The following DENND1B variants were observed in gnomAD, a reference collection of about 807,000 sequenced individuals.
DENND1B encodes DENN domain containing 1B, also known as DENN domain-containing protein 1B.
DENND1B carries 59 observed loss-of-function variants against 90.1 expected under a neutral mutation model. The observed-to-expected ratio is 0.65, with a 90% confidence interval of 0.53 to 0.81. DENND1B has a LOEUF of 0.81. Ranked by LOEUF, DENND1B falls within the 40% of genes least tolerant of loss-of-function variation. DENND1B has a pLI of 0.00. For synonymous variants in DENND1B, 337 were observed against 324.6 expected (o/e 1.04, Z -0.41); for missense variants, 862 against 912.6 (o/e 0.94, Z 0.71).
intron 21 of DENND1B, 66 bp from the exon 22 acceptor site, chr1:197,512,010 C>T: frequency 8.4e-7 from 1 of 1,186,992 alleles, no homozygotes; most frequent in Admixed American, 2.3e-5. Flanking sequence ...AGTAATCTCT[C>T]ACCAGTTACA....
chr1:197,529,753 G>C (rs780409169), intron 20 of DENND1B, among the ~76,000 whole-genome samples: 45 of 152,076 alleles, frequency 3.0e-4, no homozygotes, highest in Admixed American at 8.5e-4. Context: ...CATAATCTCA[G>C]ATTATAGATT....
chr1:197,665,534 G>A (rs1468889807), intron 5 of DENND1B, among the ~76,000 whole-genome samples: 1 of 152,100 alleles, frequency 6.6e-6, no homozygotes, highest in Non-Finnish European at 1.5e-5. Flanking sequence ...TTGCCACATA[G>A]TATCATTAGT....
At chr1:197,778,755 G>A (rs576607611), upstream of DENND1B, among the ~76,000 whole-genome samples, 6 of 150,362 alleles carry the variant, frequency 4.0e-5, no homozygotes, top group East Asian at 3.9e-4. Flanking sequence ...TGTACTTCCC[G>A]TTTGTTTCTT....
chr1:197,544,774 GGAGGAGGAAGAAGAAGAA>G (rs1329445473), intron 18 of DENND1B, among the ~76,000 whole-genome samples: 2,269 of 134,302 alleles, frequency 0.017, 25 homozygotes, highest in Middle Eastern at 0.042. Context: ...AAGAGGACGA[GGAGGAGGAAGAAGAAGAA>G]GAGGAGGAAG....
intron 20 of DENND1B, among the ~76,000 whole-genome samples, chr1:197,531,405 C>CT (rs1371728894): frequency 0.11 from 215 of 1,960 alleles, 24 homozygotes; most frequent in African/African-American, 0.11. Context: ...TTTTTTTTTT[C>CT]TTTTTTTTTT....
At chr1:197,591,042 G>T (rs1160216478) in intron 14 of DENND1B, among the ~76,000 whole-genome samples, 2 of 152,176 alleles carry the variant, frequency 1.3e-5, no homozygotes, top group East Asian at 3.8e-4. Flanking sequence ...GACTGGTTCT[G>T]CTGCCTCTAT....
intron 13 of DENND1B, chr1:197,606,411 C>T (rs1676688959): frequency 1.3e-5 from 2 of 151,192 alleles, no homozygotes; most frequent in South Asian, 4.1e-4. Flanking sequence ...GTTTAATTTA[C>T]AAATAGAATT....
chr1:197,709,762 C>G (rs1659921968), intron 3 of DENND1B, among the ~76,000 whole-genome samples: 1 of 124,468 alleles, frequency 8.0e-6, no homozygotes, highest in African/African-American at 3.4e-5. Context: ...CTAAATTCTG[C>G]AATTAAAAGA....
intron 10 of DENND1B, among the ~76,000 whole-genome samples, chr1:197,629,015 A>AG (rs1298697516): frequency 6.6e-6 from 1 of 152,124 alleles, no homozygotes; most frequent in African/African-American, 2.4e-5. Context: ...ATCATTAAAA[A>AG]GTCAGGAAAC....
intron 16 of DENND1B, 27 bp from the exon 17 acceptor site, chr1:197,546,800 G>A (rs760597395): frequency 1.3e-6 from 2 of 1,531,226 alleles, no homozygotes; most frequent in African/African-American, 2.8e-5. Context: ...TGAGATGCCA[G>A]GAATGGTTGA....
intron 10 of DENND1B, among the ~76,000 whole-genome samples, chr1:197,620,564 T>C (rs1279735302): frequency 6.6e-6 from 1 of 151,356 alleles, no homozygotes; most frequent in African/African-American, 2.4e-5. Flanking sequence ...GCTAACGGAA[T>C]ACTATGACTG....
chr1:197,764,718 C>G (rs1236004108), intron 2 of DENND1B, among the ~76,000 whole-genome samples: 1 of 152,004 alleles, frequency 6.6e-6, no homozygotes, highest in East Asian at 1.9e-4. Flanking sequence ...AAAATGTTCC[C>G]TTAAAAAATA....
chr1:197,775,802 C>T (rs1201716499), upstream of DENND1B: 1 of 152,280 alleles, frequency 6.6e-6, no homozygotes. Flanking sequence ...AGTACCTCGA[C>T]CTGCAGTGTT....
intron 3 of DENND1B, among the ~76,000 whole-genome samples, chr1:197,704,054 G>A (rs1042996586): frequency 6.6e-6 from 1 of 152,174 alleles, no homozygotes; most frequent in Non-Finnish European, 1.5e-5. Context: ...GACCAGCCTG[G>A]GCAATAGGGT....
At chr1:197,556,854 G>C (rs1261644440) in intron 15 of DENND1B, among the ~76,000 whole-genome samples, 2 of 151,862 alleles carry the variant, frequency 1.3e-5, no homozygotes, top group Non-Finnish European at 2.9e-5. Context: ...TTCTATCTCT[G>C]TCCAATTTTT....
chr1:197,751,956 A>AG (rs1159700824), intron 2 of DENND1B, among the ~76,000 whole-genome samples: 4 of 114,358 alleles, frequency 3.5e-5, no homozygotes, highest in Non-Finnish European at 7.3e-5. Flanking sequence ...AGGAGGAGGA[A>AG]GGGGGGAGGA....
At chr1:197,652,389 A>G in intron 6 of DENND1B, 74 bp from the exon 7 acceptor site, 2 of 1,173,666 alleles carry the variant, frequency 1.7e-6, no homozygotes, top group Non-Finnish European at 2.4e-6. Context: ...TATTTGATAA[A>G]ATAATCTACT....
chr1:197,507,920 C>T lies in DENND1B; in HGVS notation c.*2540G>A, dbSNP rs1430641971. ...ATAACATGCAGAATTGTTTTTCTGCCTTTGTTTTTAAAATAGAATAAAACT... is the reference window on the plus strand; with the variant it reads ...ATAACATGCAGAATTGTTTTTCTGCTTTTGTTTTTAAAATAGAATAAAACT... On this transcript the variant is annotated 3_prime_UTR_variant, in exon 23 of 23. Transcript: ENST00000620048. The T allele has an allele frequency of 6.6e-6, 1 of 151,468 alleles. No homozygotes were observed. Among genetic ancestry groups the T allele is most frequent in the Non-Finnish European group, 1.5e-5 (1 of 67,684 alleles). The allele number at this position is 151,468 out of a possible 1,614,324, so 9.4% of individuals were successfully genotyped here.
chr1:197,529,439 C>T (rs949473381), intron 20 of DENND1B, among the ~76,000 whole-genome samples: 3 of 151,206 alleles, frequency 2.0e-5, no homozygotes, highest in East Asian at 1.9e-4. Context: ...CAACAAAAAG[C>T]TTCAGTCCCC....
Sources: allele counts gnomAD v4.1 joint callset (sites outside exome capture counted in the v4.1 genomes callset), GRCh38; gene constraint gnomAD v4.1.1; transcripts MANE v1.5; gene names NCBI Gene and HGNC (gene_info 2026-07-23, HGNC 2026-07-21).